AGAP1: variants seen among roughly 807,000 people sequenced by gnomAD.
The protein encoded by AGAP1 is ArfGAP with GTPase domain, ankyrin repeat and PH domain 1.
Under a neutral mutation model 105.3 loss-of-function variants are expected in AGAP1, and 29 were observed. The ratio of observed to expected loss-of-function variants is 0.28; its 90% CI spans 0.21 to 0.38. The LOEUF (loss-of-function observed/expected upper bound fraction) is 0.38, where lower values mean the gene tolerates loss of function less well. Ranked by LOEUF, AGAP1 falls within the 10% of genes least tolerant of loss-of-function variation. The pLI is 1.00. For synonymous variants in AGAP1, 509 were observed against 485.9 expected (o/e 1.05, Z -0.63); for missense variants, 998 against 1,165.1 (o/e 0.86, Z 2.09).
chr2:235,927,243 C>T lies in AGAP1; in HGVS notation c.1325-3522C>T, dbSNP rs2052495863. On this transcript the variant is annotated intron_variant, in intron 11 of 17. Coordinates refer to ENST00000304032, the MANE Select transcript of AGAP1 (RefSeq NM_001037131.3). The surrounding 1 kb of genome is among the most constrained non-coding windows in gnomAD (Gnocchi z 4.4). ...TGTGGATAGCTGGTCTGGTGTCTTCCATCTGGACACCAGGAGCATGTGGTC... is the reference window on the plus strand; with the variant it reads ...TGTGGATAGCTGGTCTGGTGTCTTCTATCTGGACACCAGGAGCATGTGGTC... Among the ~76,000 whole-genome samples, 1 of 152,110 alleles carries T rather than the reference C, an allele frequency of 6.6e-6. No individual in the cohort carries two copies. Among genetic ancestry groups the T allele is most frequent in the Non-Finnish European group, 1.5e-5 (1 of 68,036 alleles).
chr2:235,829,504 A>G (rs945442481), intron 9 of AGAP1, among the ~76,000 whole-genome samples: 7 of 152,214 alleles, frequency 4.6e-5, no homozygotes, highest in Non-Finnish European at 8.8e-5. Flanking sequence ...TCCTGGCCAA[A>G]TGTATACTGA....
chr2:236,049,475 AT>A, intron 16 of AGAP1, 194 bp downstream of exon 16: 1 of 525,300 alleles, frequency 1.9e-6, no homozygotes, highest in Non-Finnish European at 3.4e-6. Context: ...ACACTCCTTA[AT>A]TTTTTATGTT....
rs1037809236 is a variant in AGAP1 at position 235,747,254 on chromosome 2, T to A, written c.538+2415T>A. On this transcript the variant is annotated intron_variant, in intron 5 of 17. Transcript: ENST00000304032. The surrounding 1 kb of genome is among the most constrained non-coding windows in gnomAD (Gnocchi z 5.0). ...TCGAGCCTCCTGCCAGGGTGGCTGCTTAGATTCTCGAGAAACCCTGATGAA... is the reference window on the plus strand; with the variant it reads ...TCGAGCCTCCTGCCAGGGTGGCTGCATAGATTCTCGAGAAACCCTGATGAA... 6.6e-6 allele frequency among the ~76,000 whole-genome samples: 1 copy of A among 152,086 alleles called. No individual in the cohort carries two copies. Among genetic ancestry groups the A allele is most frequent in the South Asian group, 2.1e-4 (1 of 4,824 alleles).
rs1952589471 is a variant in AGAP1, at chr2:235,741,632, T to C, written c.396+584T>C. 6.6e-6 allele frequency among the ~76,000 whole-genome samples: 1 copy of C among 152,236 alleles called. No individual in the cohort carries two copies. The highest frequency in any genetic ancestry group is 1.5e-5 in the Non-Finnish European group (1 of 68,038). ...AAACATGAGTGTGGAAGATCTCTTTTTTTGGTTTATTTAACCTGCTTTGTT... is the reference window on the plus strand; with the variant it reads ...AAACATGAGTGTGGAAGATCTCTTTCTTTGGTTTATTTAACCTGCTTTGTT... On this transcript the variant is annotated intron_variant, in intron 4 of 17. Coordinates refer to ENST00000304032, the MANE Select transcript of AGAP1 (RefSeq NM_001037131.3). This position sits in a 1 kb window ranked among gnomAD's most constrained non-coding sequence, Gnocchi z 4.9.
In AGAP1 at chr2:235,892,838, A is replaced by G. The variant is rs114100443; in HGVS notation, c.1155+9389A>G. Reference sequence around the variant, plus strand: ...TCACTGGTTTCCCCAGAACATTGAAACAGTCAGAATAACTCCTGTGCAGGC... The same window carrying G: ...TCACTGGTTTCCCCAGAACATTGAAGCAGTCAGAATAACTCCTGTGCAGGC... On this transcript the variant is annotated intron_variant, in intron 10 of 17. Coordinates refer to ENST00000304032, the MANE Select transcript of AGAP1 (RefSeq NM_001037131.3). Among the ~76,000 whole-genome samples, 220 of 152,298 alleles carry G rather than the reference A, an allele frequency of 1.4e-3. 2 individuals are homozygous for G. Among genetic ancestry groups the G allele is most frequent in the African/African-American group, 5.1e-3 (211 of 41,568 alleles).
In AGAP1 at chr2:236,058,618, T is replaced by C. The variant is rs975866066; in HGVS notation, c.2114+9337T>C. Among the ~76,000 whole-genome samples the C allele has an allele frequency of 4.6e-5, 7 of 152,202 alleles. No individual in the cohort carries two copies. The highest frequency in any genetic ancestry group is 1.7e-4 in the African/African-American group (7 of 41,456). ...ATCTCTAAAAAACCCACAGCTAACATTGTACTTTATGGTGAAATACTGCAG... is the reference window on the plus strand; with the variant it reads ...ATCTCTAAAAAACCCACAGCTAACACTGTACTTTATGGTGAAATACTGCAG... On this transcript the variant is annotated intron_variant, in intron 16 of 17. Transcript: ENST00000304032. The surrounding 1 kb of genome is among the most constrained non-coding windows in gnomAD (Gnocchi z 4.6).
At chr2:235,841,907 C>T (rs552990282) in intron 9 of AGAP1, among the ~76,000 whole-genome samples, 8 of 152,210 alleles carry the variant, frequency 5.3e-5, no homozygotes, top group African/African-American at 1.4e-4. Context: ...TCTCTCTCTT[C>T]CCCTGAAGCT....
At chr2:235,593,631 T>G (rs114210492) in intron 1 of AGAP1, among the ~76,000 whole-genome samples, 3,050 of 152,266 alleles carry the variant, frequency 0.02, 99 homozygotes, top group African/African-American at 0.07. Flanking sequence ...TTTGAGGTTT[T>G]CAAAAATGTG....
intron 1 of AGAP1, 64 bp downstream of exon 1, chr2:235,494,913 G>C: frequency 6.8e-7 from 1 of 1,468,168 alleles, no homozygotes; most frequent in African/African-American, 1.5e-5. Flanking sequence ...GCGGGGGTGT[G>C]CGCTGTGTGC....
rs1291496265 is a variant in AGAP1 at position 235,969,854 on chromosome 2, GT to G, written c.1645+1234del. 3.3e-5 allele frequency among the ~76,000 whole-genome samples: 5 copies of G among 152,228 alleles called. No individual in the cohort carries two copies. The East Asian group carries it at 5.8e-4, about 18-fold the overall frequency. On this transcript the variant is annotated intron_variant, in intron 13 of 17. Coordinates refer to ENST00000304032, the MANE Select transcript of AGAP1 (RefSeq NM_001037131.3). ...GTTAGAAGCCTTTCTCCTTCACCAC[GT>G]TTCTTCCTGTTTTGCCTCCTGTAAG...
intron 13 of AGAP1, among the ~76,000 whole-genome samples, chr2:235,972,752 A>G (rs1028429317): frequency 6.6e-6 from 1 of 152,172 alleles, no homozygotes; most frequent in Non-Finnish European, 1.5e-5. Context: ...GAAGCCGTAG[A>G]GTGTTCGTGC....
chr2:235,529,142 C>T (rs1942956591), intron 1 of AGAP1, among the ~76,000 whole-genome samples: 1 of 152,220 alleles, frequency 6.6e-6, no homozygotes, highest in South Asian at 2.1e-4. Context: ...GGTAACTTTC[C>T]TTGCTGCGTT....
chr2:235,816,261 C>A (rs1446333071), intron 9 of AGAP1, among the ~76,000 whole-genome samples: 1 of 151,094 alleles, frequency 6.6e-6, no homozygotes, highest in Non-Finnish European at 1.5e-5. Context: ...CATGGTAAAA[C>A]CCCCGTCTCT....
chr2:235,548,341 C>T (rs182359014), intron 1 of AGAP1, among the ~76,000 whole-genome samples: 1 of 152,302 alleles, frequency 6.6e-6, no homozygotes, highest in Non-Finnish European at 1.5e-5. Flanking sequence ...AGATTTCTTT[C>T]AGCACTCTCC....
In AGAP1 at chr2:235,859,394, C is replaced by G. The variant is rs77423171; in HGVS notation, c.1051-23951C>G. 5.6e-5 allele frequency among the ~76,000 whole-genome samples: 2 copies of G among 35,832 alleles called. 1 individual carries two copies. The highest frequency in any genetic ancestry group is 2.3e-4 in the African/African-American group (2 of 8,586). 23.5% of individuals were successfully genotyped at this position (35,832 alleles called of 152,430 possible). A position where few individuals can be genotyped will look rare whatever the true frequency, so the allele number is the denominator to read the frequency against. ...ATCTGCAACTCTCCCCCCACAACCT[C>G]CCCCCCCCCCCCCGCCTTTTGTTCC... On this transcript the variant is annotated intron_variant, in intron 9 of 17. Coordinates refer to ENST00000304032, the MANE Select transcript of AGAP1 (RefSeq NM_001037131.3).
intron 16 of AGAP1, among the ~76,000 whole-genome samples, chr2:236,065,406 G>T (rs768116075): frequency 2.0e-5 from 3 of 152,144 alleles, no homozygotes; most frequent in Non-Finnish European, 2.9e-5. Context: ...CCCCGTGGGC[G>T]GTTTTCATCT....
intron 1 of AGAP1, among the ~76,000 whole-genome samples, chr2:235,512,354 T>C (rs1489015982): frequency 6.6e-6 from 1 of 152,196 alleles, no homozygotes; most frequent in Non-Finnish European, 1.5e-5. Context: ...CCCAACACTT[T>C]GGGAGACCGA....
Position 235,993,465 on chromosome 2 carries a change from G to A in AGAP1, c.1645+24842G>A, listed in dbSNP as rs1030850223. 2.6e-5 allele frequency among the ~76,000 whole-genome samples: 4 copies of A among 152,224 alleles called. No homozygotes were observed. The highest frequency in any genetic ancestry group is 6.5e-5 in the Admixed American group (1 of 15,276). Reference sequence around the variant, plus strand: ...CCTGATGGAAACTGCTTCTCAAAGTGGAAGACAGGGAGCACCTCTGCAGGC... The same window carrying A: ...CCTGATGGAAACTGCTTCTCAAAGTAGAAGACAGGGAGCACCTCTGCAGGC... On this transcript the variant is annotated intron_variant, in intron 13 of 17. Transcript: ENST00000304032. The surrounding 1 kb of genome is among the most constrained non-coding windows in gnomAD (Gnocchi z 5.0).
intron 10 of AGAP1, among the ~76,000 whole-genome samples, chr2:235,890,276 C>T (rs770339395): frequency 6.6e-6 from 1 of 152,022 alleles, no homozygotes; most frequent in South Asian, 2.1e-4. Flanking sequence ...GCCTCAGCCT[C>T]CTAAGTAGCT....
Sources: gnomAD v4.1 joint callset for allele counts (sites outside exome capture counted in the v4.1 genomes callset) on GRCh38, gnomAD v4.1.1 for gene constraint, Gnocchi (gnomAD v3.1) non-coding constraint, MANE v1.5 for transcripts, NCBI Gene and HGNC (gene_info 2026-07-23, HGNC 2026-07-21) for gene names.